TBCD: variants seen among roughly 807,000 people sequenced by gnomAD.
The protein encoded by TBCD is tubulin folding cofactor D.
In TBCD, 105 loss-of-function variants were observed where a neutral mutation model predicts 169.3. That is an observed-to-expected ratio of 0.62 (90% CI 0.53 to 0.73). TBCD has a LOEUF of 0.73. Among genes scored for constraint, TBCD ranks in the 30% least tolerant of loss-of-function variants. TBCD has a pLI of 0.00. For missense variants in TBCD, 1,444 were observed against 1,600.1 expected, an observed-to-expected ratio of 0.90 and a Z score of 1.66; for synonymous variants, 700 against 643.9, an observed-to-expected ratio of 1.09 and a Z score of -1.32.
Position 82,784,763 on chromosome 17 carries a change from A to G in TBCD, c.771+3042A>G, listed in dbSNP as rs552033004. Among the ~76,000 whole-genome samples, 5 of 152,098 alleles carry G rather than the reference A, an allele frequency of 3.3e-5. No homozygotes were observed. The East Asian group carries it at 9.7e-4, about 30-fold the overall frequency. On this transcript the variant is annotated intron_variant, in intron 7 of 38. Coordinates refer to ENST00000355528, the MANE Select transcript of TBCD (RefSeq NM_005993.5). The stretch of plus-strand genomic sequence containing the variant: ...AAGGACACGCTCTTAGGTCCCTAAG[A>G]CCCCAGAAGAATGGGCCGCTACTGC...
In TBCD at chr17:82,941,500, C is replaced by A; in HGVS notation, c.3564+17C>A. 6.4e-7 allele frequency: 1 copy of A among 1,571,212 alleles called. No homozygotes were observed. Among genetic ancestry groups the A allele is most frequent in the Non-Finnish European group, 8.6e-7 (1 of 1,157,928 alleles). ...GTGCCCCAGGTAACCCTGTCACCTT[C>A]ACAGCATGAGGTGCCTGTGCTTCCC... On this transcript the variant is annotated intron_variant, in intron 38 of 38. Transcript: ENST00000355528.
chr17:82,940,306 G>C lies in TBCD; in HGVS notation c.3479+830G>C, dbSNP rs1036591369. On this transcript the variant is annotated intron_variant, in intron 37 of 38. Transcript: ENST00000355528. Reference sequence around the variant, plus strand: ...GGAGATCAGGACTGAAGCAACCAGAGGCTGTGTGGGTGTCCACATGGCATA... The same window carrying C: ...GGAGATCAGGACTGAAGCAACCAGACGCTGTGTGGGTGTCCACATGGCATA... 3.3e-5 allele frequency among the ~76,000 whole-genome samples: 5 copies of C among 152,286 alleles called. No homozygotes were observed. The South Asian group carries it at 1.0e-3, about 32-fold the overall frequency.
At position 82,924,940 on chromosome 17, in the gene TBCD, G is replaced by T. The variant is rs867894238; in HGVS notation, c.2262G>T (p.Glu754Asp). 6.4e-7 allele frequency: 1 copy of T among 1,559,332 alleles called. No individual in the cohort carries two copies. The highest frequency in any genetic ancestry group is 1.4e-5 in the African/African-American group (1 of 73,632). The change falls in exon 27 of 39, where the codon GAG (glutamate) becomes GAT (aspartate). Residue 754 changes from glutamate (E) to aspartate (D), a missense_variant and splice_region_variant. Coordinates refer to ENST00000355528, the MANE Select transcript of TBCD (RefSeq NM_005993.5). ...EPGEADPAIQ[E>D]ELITQYLAEL... The stretch of plus-strand genomic sequence containing the variant: ...TTCACACTCGTTGCTTCCTTTCAGA[G>T]GAGCTGATCACGCAGTACCTGGCTG...
chr17:82,809,461 T>C (rs2051266291), intron 11 of TBCD, among the ~76,000 whole-genome samples: 1 of 152,132 alleles, frequency 6.6e-6, no homozygotes, highest in Non-Finnish European at 1.5e-5. Context: ...GTTACAGTGG[T>C]ACATGGTGAC....
intron 13 of TBCD, among the ~76,000 whole-genome samples, chr17:82,824,751 G>A (rs940111844): frequency 6.6e-6 from 1 of 152,062 alleles, no homozygotes; most frequent in Admixed American, 6.6e-5. Context: ...ATGGATACAA[G>A]AACCTGTTTG....
At chr17:82,850,176 C>T (rs1430344374) in intron 13 of TBCD, among the ~76,000 whole-genome samples, 88 of 96,944 alleles carry the variant, frequency 9.1e-4, no homozygotes, top group African/African-American at 4.2e-3. Context: ...GCCTGTGCTG[C>T]TGTTGGCTGT....
intron 13 of TBCD, among the ~76,000 whole-genome samples, chr17:82,849,407 CA>C (rs1322136572): frequency 1.3e-5 from 2 of 152,252 alleles, no homozygotes; most frequent in Non-Finnish European, 2.9e-5. Flanking sequence ...CCATCCATTG[CA>C]GTGAAATCTT....
At chr17:82,794,777 C>T (rs977115589) in intron 7 of TBCD, among the ~76,000 whole-genome samples, 1 of 152,244 alleles carries the variant, frequency 6.6e-6, no homozygotes, top group African/African-American at 2.4e-5. Context: ...CTCCTGCACC[C>T]ATGCCTGGGA....
At chr17:82,870,412 G>A (rs367600728) in intron 14 of TBCD, 32 bp downstream of exon 14, 179 of 1,601,208 alleles carry the variant, frequency 1.1e-4, no homozygotes, top group Non-Finnish European at 8.4e-5. Flanking sequence ...CATCGGATGC[G>A]CCGTGCCCCC....
intron 12 of TBCD, among the ~76,000 whole-genome samples, 155 bp downstream of exon 12, chr17:82,809,937 T>C (rs2051303626): frequency 6.6e-6 from 1 of 152,246 alleles, no homozygotes; most frequent in Admixed American, 6.5e-5. Context: ...TTGAGAACTC[T>C]TGTTATTTCT....
At chr17:82,865,759 T>C (rs562978000) in intron 13 of TBCD, among the ~76,000 whole-genome samples, 17 of 152,380 alleles carry the variant, frequency 1.1e-4, no homozygotes, top group African/African-American at 4.1e-4. Context: ...TTCTACCTTT[T>C]GTGCAGAGAA....
chr17:82,800,293 G>A (rs758879843), intron 8 of TBCD, among the ~76,000 whole-genome samples: 3 of 152,090 alleles, frequency 2.0e-5, no homozygotes, highest in Non-Finnish European at 4.4e-5. Flanking sequence ...TCTCCCTGTC[G>A]TGCTGTGCCC....
Position 82,915,699 on chromosome 17 carries a change from G to A in TBCD, c.2038+3910G>A, listed in dbSNP as rs151198321. Among the ~76,000 whole-genome samples, 5 of 152,208 alleles carry A rather than the reference G, an allele frequency of 3.3e-5. No individual in the cohort carries two copies. Among genetic ancestry groups the A allele is most frequent in the African/African-American group, 4.8e-5 (2 of 41,452 alleles). ...GTGGATCACCGAGGGCAGGGGCCGGGAGGAAGGGGGTCATCTGGCTCACAG... is the reference window on the plus strand; with the variant it reads ...GTGGATCACCGAGGGCAGGGGCCGGAAGGAAGGGGGTCATCTGGCTCACAG... On this transcript the variant is annotated intron_variant, in intron 23 of 38. Transcript: ENST00000355528. The surrounding 1 kb of genome is among the most constrained non-coding windows in gnomAD (Gnocchi z 4.3).
chr17:82,857,570 A>C (rs142823992), intron 13 of TBCD, among the ~76,000 whole-genome samples: 4 of 152,248 alleles, frequency 2.6e-5, no homozygotes, highest in African/African-American at 9.6e-5. Context: ...CAGGTGTCTA[A>C]AAAGTATTTT....
rs980367695 is a variant in TBCD, at chr17:82,942,795, C to G, written c.*332C>G. 1 of 428,356 alleles carries G rather than the reference C, an allele frequency of 2.3e-6. No homozygotes were observed. Among genetic ancestry groups the G allele is most frequent in the African/African-American group, 2.0e-5 (1 of 49,174 alleles). The allele number at this position is 428,356 out of a possible 1,614,324, so 26.5% of individuals were successfully genotyped here. ...TCAGCCAGAGGGGAGGTGGGCTGCA[C>G]TCCTCCTGCCTGGAGACCAGGCCCC... On this transcript the variant is annotated 3_prime_UTR_variant, in exon 39 of 39. Coordinates refer to ENST00000355528, the MANE Select transcript of TBCD (RefSeq NM_005993.5).
chr17:82,924,995 T>C lies in TBCD; in HGVS notation c.2317T>C (p.Cys773Arg). 6.3e-7 allele frequency: 1 copy of C among 1,575,584 alleles called. No individual in the cohort carries two copies. The highest frequency in any genetic ancestry group is 1.2e-5 in the South Asian group (1 of 85,882). Residue 773 changes from cysteine (C) to arginine (R), a missense_variant, in exon 27 of 39, where the codon TGT (cysteine) becomes CGT (arginine). Physicochemically the swap from Cys to Arg is radical, Grantham distance 180. Coordinates refer to ENST00000355528, the MANE Select transcript of TBCD (RefSeq NM_005993.5). Reference sequence around the variant, plus strand: ...TCGGAACCCCGAGGAGATGACTCGCTGTGGCTTCTCGTTGGCCTTGGGCGC... The same window carrying C: ...TCGGAACCCCGAGGAGATGACTCGCCGTGGCTTCTCGTTGGCCTTGGGCGC... ...ELRNPEEMTR[C>R]GFSLALGALP... is the part of the protein sequence containing the mutation.
intron 6 of TBCD, among the ~76,000 whole-genome samples, chr17:82,776,874 T>TGTCGCTGATTGCAGGTATTTAATTG (rs2048632098): frequency 6.6e-6 from 1 of 152,088 alleles, no homozygotes. Flanking sequence ...TTAAACATGG[T>TGTCGCTGATTGCAGGTATTTAATTG]GTCGCTGATT....
intron 13 of TBCD, among the ~76,000 whole-genome samples, chr17:82,816,105 C>T (rs978079945): frequency 6.6e-6 from 1 of 152,196 alleles, no homozygotes; most frequent in Non-Finnish European, 1.5e-5. Context: ...TCTCCAGTGT[C>T]TCTGTGAATT....
chr17:82,796,281 A>G (rs1461867718), intron 7 of TBCD, among the ~76,000 whole-genome samples: 8 of 152,228 alleles, frequency 5.3e-5, no homozygotes, highest in African/African-American at 1.2e-4. Context: ...TAAACCGATG[A>G]CTTAGGGTTA....
Sources: gnomAD v4.1 joint callset for allele counts (sites outside exome capture counted in the v4.1 genomes callset) on GRCh38, gnomAD v4.1.1 for gene constraint, Gnocchi (gnomAD v3.1) non-coding constraint, MANE v1.5 for transcripts, NCBI Gene and HGNC (gene_info 2026-07-23, HGNC 2026-07-21) for gene names.